The following LDLRAD3 variants were observed in gnomAD, a reference collection of about 807,000 sequenced individuals.
LDLRAD3 encodes the protein low-density lipoprotein receptor class A domain-containing protein 3.
LDLRAD3 carries 20 observed loss-of-function variants against 29.4 expected under a neutral mutation model. The observed-to-expected ratio is 0.68, with a 90% CI of 0.48 to 0.99. The LOEUF is 0.99. Among genes scored for constraint, LDLRAD3 ranks in the 50% least tolerant of loss-of-function variants. The pLI, the probability that LDLRAD3 is intolerant of heterozygous loss-of-function variation, is 0.00. For missense variants in LDLRAD3, 420 were observed against 454.3 expected (o/e 0.92, Z 0.69); for synonymous variants, 157 against 192.7 (o/e 0.81, Z 1.53).
chr11:36,175,238 TTTG>T (rs1235102235), intron 4 of LDLRAD3, among the ~76,000 whole-genome samples: 1 of 152,148 alleles, frequency 6.6e-6, no homozygotes, highest in Admixed American at 6.5e-5. Flanking sequence ...GTCTATTGAT[TTTG>T]TTTATCTTTT....
intron 4 of LDLRAD3, among the ~76,000 whole-genome samples, chr11:36,175,820 G>C (rs1339200385): frequency 6.6e-6 from 1 of 152,186 alleles, no homozygotes; most frequent in Non-Finnish European, 1.5e-5. Flanking sequence ...TATCTGTTAA[G>C]TTTAGTTGCT....
chr11:35,972,915 T>C (rs1851431524), intron 1 of LDLRAD3: 1 of 152,024 alleles, frequency 6.6e-6, no homozygotes, highest in Non-Finnish European at 1.5e-5. Flanking sequence ...TAGCCAGGCA[T>C]GGTGGTGTGT....
At chr11:36,031,163 A>G (rs1852231135) in intron 1 of LDLRAD3, among the ~76,000 whole-genome samples, 1 of 151,356 alleles carries the variant, frequency 6.6e-6, no homozygotes, top group Non-Finnish European at 1.5e-5. Flanking sequence ...ACTCTTTTTC[A>G]TTTTTCAGCT....
At chr11:36,167,250 T>C (rs1854528260) in intron 4 of LDLRAD3, among the ~76,000 whole-genome samples, 1 of 152,094 alleles carries the variant, frequency 6.6e-6, no homozygotes, top group African/African-American at 2.4e-5. Flanking sequence ...CAGTCTTTTC[T>C]CTGAAAGCCT....
chr11:36,049,315 G>C (rs764342616), intron 2 of LDLRAD3, among the ~76,000 whole-genome samples: 5 of 152,046 alleles, frequency 3.3e-5, no homozygotes, highest in Non-Finnish European at 7.4e-5. Context: ...ACTTTTATCT[G>C]CAACATAGCT....
intron 1 of LDLRAD3, among the ~76,000 whole-genome samples, chr11:35,987,433 C>T (rs1331181375): frequency 1.3e-5 from 2 of 152,192 alleles, no homozygotes; most frequent in African/African-American, 2.4e-5. Context: ...CTAGCAGTCT[C>T]CAGTGTCTGT....
At chr11:36,145,275 CG>C (rs1844225499) in intron 4 of LDLRAD3, among the ~76,000 whole-genome samples, 1 of 102,112 alleles carries the variant, frequency 9.8e-6, no homozygotes, top group Non-Finnish European at 2.0e-5. Context: ...GCCCCCCGCC[CG>C]GCCAGCTGCC....
chr11:35,992,573 T>C (rs1397778483), intron 1 of LDLRAD3, among the ~76,000 whole-genome samples: 1 of 152,230 alleles, frequency 6.6e-6, no homozygotes, highest in African/African-American at 2.4e-5. Context: ...AATATTATGC[T>C]AAATGAAAAG....
chr11:36,191,043 C>T (rs563151155), intron 4 of LDLRAD3, among the ~76,000 whole-genome samples: 3 of 152,184 alleles, frequency 2.0e-5, no homozygotes, highest in South Asian at 4.2e-4. Flanking sequence ...TACGGTCTAC[C>T]AAAACCAAGG....
intron 4 of LDLRAD3, among the ~76,000 whole-genome samples, chr11:36,226,852 G>T (rs1259755564): frequency 6.6e-6 from 1 of 152,224 alleles, no homozygotes; most frequent in Non-Finnish European, 1.5e-5. Context: ...GCAGTAGCAT[G>T]TATCAGTATT....
At chr11:36,174,724 G>A (rs1158678160) in intron 4 of LDLRAD3, among the ~76,000 whole-genome samples, 1 of 152,276 alleles carries the variant, frequency 6.6e-6, no homozygotes, top group Non-Finnish European at 1.5e-5. Flanking sequence ...GCTCACGCCT[G>A]AAATCCCAGT....
intron 1 of LDLRAD3, among the ~76,000 whole-genome samples, chr11:35,947,256 C>T (rs1380375649): frequency 1.3e-5 from 2 of 152,182 alleles, no homozygotes; most frequent in African/African-American, 4.8e-5. Flanking sequence ...CGCCTGTAAT[C>T]CCAGCACTTT....
intron 4 of LDLRAD3, among the ~76,000 whole-genome samples, chr11:36,135,167 A>G (rs1486579815): frequency 6.6e-6 from 1 of 152,194 alleles, no homozygotes; most frequent in African/African-American, 2.4e-5. Context: ...TTCTGTATAA[A>G]TCATTTAAAC....
chr11:36,007,208 A>G (rs16928224), intron 1 of LDLRAD3, among the ~76,000 whole-genome samples: 6,773 of 152,260 alleles, frequency 0.044, 189 homozygotes, highest in Admixed American at 0.078. Flanking sequence ...CATGCACCCG[A>G]AGTAATTAAT....
At chr11:36,015,088 T>A (rs1371597173) in intron 1 of LDLRAD3, among the ~76,000 whole-genome samples, 1 of 152,192 alleles carries the variant, frequency 6.6e-6, no homozygotes, top group Non-Finnish European at 1.5e-5. Context: ...ACAGCAGCCA[T>A]GTAGACTTTT....
chr11:36,004,765 T>C (rs1389613593), intron 1 of LDLRAD3, among the ~76,000 whole-genome samples: 2 of 152,184 alleles, frequency 1.3e-5, no homozygotes, highest in African/African-American at 4.8e-5. Flanking sequence ...CCATACATCC[T>C]CTGAAATCTA....
chr11:36,052,311 C>G (rs1852540729), intron 2 of LDLRAD3, among the ~76,000 whole-genome samples: 1 of 152,142 alleles, frequency 6.6e-6, no homozygotes, highest in Non-Finnish European at 1.5e-5. Flanking sequence ...TTCTTTCATG[C>G]GTATTATCTC....
At chr11:36,102,243 C>G (rs967298371) in intron 4 of LDLRAD3, among the ~76,000 whole-genome samples, 4 of 152,150 alleles carry the variant, frequency 2.6e-5, no homozygotes, top group African/African-American at 9.7e-5. Context: ...TGCTAAGCAC[C>G]TCTGTACATG....
At position 36,017,941 on chromosome 11, in the gene LDLRAD3, G is replaced by A. The variant is rs117212356; in HGVS notation, c.47-18162G>A. On this transcript the variant is annotated intron_variant, in intron 1 of 5. Coordinates refer to ENST00000315571, the MANE Select transcript of LDLRAD3 (RefSeq NM_174902.4). ...TAGCTGTTCTGGGTGCACCAGTTTT[G>A]GCATTCATCAGGTAGAAACTTCAGT... 4.1e-3 allele frequency among the ~76,000 whole-genome samples: 618 copies of A among 152,290 alleles called. 2 individuals carry two copies. The highest frequency in any genetic ancestry group is 7.4e-3 in the Non-Finnish European group (502 of 68,028).
Sources: allele counts gnomAD v4.1 joint callset (sites outside exome capture counted in the v4.1 genomes callset), GRCh38; gene constraint gnomAD v4.1.1; transcripts MANE v1.5; gene names NCBI Gene and HGNC (gene_info 2026-07-23, HGNC 2026-07-21).